The following EPHA6 variants were observed in gnomAD, a reference collection of about 807,000 sequenced individuals.
EPHA6 encodes ephrin type-A receptor 6.
EPHA6 carries 50 observed loss-of-function variants against 112.0 expected under a neutral mutation model. That is an observed-to-expected ratio of 0.45 (90% CI 0.36 to 0.56). The LOEUF (loss-of-function observed/expected upper bound fraction) is 0.56, where lower values mean the gene tolerates loss of function less well. EPHA6 is among the 20% of genes least tolerant of loss of function. The pLI, the probability that EPHA6 is intolerant of heterozygous loss-of-function variation, is 0.00. For missense variants in EPHA6, 1,280 were observed against 1,417.4 expected, an observed-to-expected ratio of 0.90 and a Z score of 1.56; for synonymous variants, 529 against 490.7, an observed-to-expected ratio of 1.08 and a Z score of -1.03.
chr3:97,641,594 G>A (rs996317169), intron 14 of EPHA6, among the ~76,000 whole-genome samples: 5 of 152,360 alleles, frequency 3.3e-5, no homozygotes, highest in Admixed American at 1.3e-4. Context: ...CGCACCATGC[G>A]CGAGCCGAAG....
intron 5 of EPHA6, among the ~76,000 whole-genome samples, chr3:97,397,191 A>C (rs996478166): frequency 6.6e-6 from 1 of 151,668 alleles, no homozygotes; most frequent in African/African-American, 2.4e-5. Context: ...TCAGCCTCTG[A>C]TCTTACAAAC....
chr3:97,433,781 G>A (rs1408230317), intron 6 of EPHA6, among the ~76,000 whole-genome samples: 1 of 152,108 alleles, frequency 6.6e-6, no homozygotes, highest in Non-Finnish European at 1.5e-5. Flanking sequence ...GAATCCAGAA[G>A]AAGAGCACCA....
In EPHA6 at chr3:97,142,916, C is replaced by T. The variant is rs535208617; in HGVS notation, c.1115-83348C>T. Among the ~76,000 whole-genome samples, 16 of 151,750 alleles carry T rather than the reference C, an allele frequency of 1.1e-4. No homozygotes were observed. In the East Asian group the frequency reaches 3.1e-3, roughly 29 times the overall value. The stretch of plus-strand genomic sequence containing the variant: ...AGCTGAAATAATTTCCTCTGAGAAC[C>T]GGAAGAAGACAAGGATGCCCACTGT... On this transcript the variant is annotated intron_variant, in intron 3 of 17. Transcript: ENST00000389672.
rs1489295264 is a variant in EPHA6 at position 97,720,302 on chromosome 3, C to T, written c.2826C>T (p.Ile942=). ...IPIRWTAPEA[I]AYRKFSSASD... is the part of the protein sequence containing the mutation. ...TAAGGTGGACAGCCCCAGAAGCCAT[C>T]GCCTACAGAAAATTCTCCTCAGCAA... Residue 942 remains isoleucine (I), a synonymous_variant, in exon 15 of 18, where the codon ATC becomes ATT. Coordinates refer to ENST00000389672, the MANE Select transcript of EPHA6 (RefSeq NM_001080448.3). 7.5e-6 allele frequency: 12 copies of T among 1,610,678 alleles called. No individual in the cohort carries two copies. Among genetic ancestry groups the T allele is most frequent in the East Asian group, 2.2e-5 (1 of 44,602 alleles).
intron 3 of EPHA6, among the ~76,000 whole-genome samples, chr3:97,214,756 G>C (rs866786696): frequency 6.6e-5 from 10 of 152,068 alleles, no homozygotes; most frequent in South Asian, 2.1e-4. Flanking sequence ...TATAGACTTG[G>C]ATTTGGTGAA....
At position 97,630,574 on chromosome 3, in the gene EPHA6, C is replaced by T. The variant is rs868843261; in HGVS notation, c.2575-7299C>T. 8.2e-4 allele frequency among the ~76,000 whole-genome samples: 125 copies of T among 152,118 alleles called. 1 individual carries two copies. Among genetic ancestry groups the T allele is most frequent in the African/African-American group, 2.8e-3 (118 of 41,540 alleles). On this transcript the variant is annotated intron_variant, in intron 13 of 17. Transcript: ENST00000389672. ...CTCCAAGGACTGTTTTCTGCAAAGT[C>T]ATTTATAAATCAATTGTTCAGAACT...
chr3:97,140,367 A>G (rs947865209), intron 3 of EPHA6, among the ~76,000 whole-genome samples: 4 of 152,160 alleles, frequency 2.6e-5, no homozygotes, highest in African/African-American at 9.6e-5. Context: ...TAAGATGAAC[A>G]TCACCAAGGC....
chr3:97,264,126 C>T (rs1253205467), intron 5 of EPHA6, among the ~76,000 whole-genome samples: 1 of 152,200 alleles, frequency 6.6e-6, no homozygotes, highest in East Asian at 1.9e-4. Context: ...TTTGGGGTGT[C>T]ACTTTCCTTG....
At chr3:97,060,046 G>A (rs1418855656) in intron 3 of EPHA6, among the ~76,000 whole-genome samples, 3 of 151,648 alleles carry the variant, frequency 2.0e-5, no homozygotes, top group Admixed American at 1.3e-4. Context: ...ACTGGAAGCC[G>A]GGAGGCAGAG....
chr3:97,159,239 C>A (rs1376112569), intron 3 of EPHA6, among the ~76,000 whole-genome samples: 1 of 152,018 alleles, frequency 6.6e-6, no homozygotes, highest in African/African-American at 2.4e-5. Flanking sequence ...GTTTCAGTTT[C>A]CTCTTGGTAG....
intron 1 of EPHA6, among the ~76,000 whole-genome samples, chr3:96,863,025 T>C (rs2036097243): frequency 1.3e-5 from 2 of 152,060 alleles, no homozygotes; most frequent in Non-Finnish European, 2.9e-5. Context: ...CTATGCATTA[T>C]GTTGCTTACA....
At chr3:97,299,434 G>T (rs2081005616) in intron 5 of EPHA6, among the ~76,000 whole-genome samples, 1 of 152,102 alleles carries the variant, frequency 6.6e-6, no homozygotes. Context: ...CCTAAAACTG[G>T]CCCAAAAGGA....
chr3:96,973,141 A>G (rs1357756577), intron 2 of EPHA6, among the ~76,000 whole-genome samples: 1 of 152,166 alleles, frequency 6.6e-6, no homozygotes, highest in African/African-American at 2.4e-5. Flanking sequence ...AGCTTGCTAT[A>G]GAAACAAAAA....
intron 2 of EPHA6, among the ~76,000 whole-genome samples, chr3:96,977,431 G>A (rs1490116208): frequency 1.3e-5 from 2 of 152,026 alleles, no homozygotes; most frequent in African/African-American, 4.8e-5. Context: ...ACATTATTCC[G>A]GTGATGAGTA....
chr3:97,640,154 A>G (rs2093987838), intron 14 of EPHA6, among the ~76,000 whole-genome samples: 4 of 152,222 alleles, frequency 2.6e-5, no homozygotes, highest in African/African-American at 9.6e-5. Context: ...GAAGTACCAA[A>G]AAGCAGAGGC....
At chr3:97,622,027 G>A (rs1012741471) in intron 13 of EPHA6, among the ~76,000 whole-genome samples, 2 of 151,604 alleles carry the variant, frequency 1.3e-5, no homozygotes, top group Non-Finnish European at 2.9e-5. Flanking sequence ...GAAAAATCAA[G>A]GATTTCTTTT....
At chr3:97,571,914 T>C (rs1332328668) in intron 11 of EPHA6, among the ~76,000 whole-genome samples, 5 of 152,236 alleles carry the variant, frequency 3.3e-5, no homozygotes, top group African/African-American at 7.2e-5. Flanking sequence ...ATCATTGCAA[T>C]GTATAGCACA....
chr3:97,652,889 C>G (rs919780027), intron 14 of EPHA6, among the ~76,000 whole-genome samples: 1 of 151,894 alleles, frequency 6.6e-6, no homozygotes, highest in Non-Finnish European at 1.5e-5. Context: ...TGACTTGTAT[C>G]TGAAGACATT....
intron 6 of EPHA6, among the ~76,000 whole-genome samples, chr3:97,428,353 A>T (rs1157909440): frequency 6.6e-6 from 1 of 152,166 alleles, no homozygotes; most frequent in Non-Finnish European, 1.5e-5. Flanking sequence ...ACACAGAAAT[A>T]CAAGTTAAGG....
Sources: allele counts gnomAD v4.1 joint callset (sites outside exome capture counted in the v4.1 genomes callset), GRCh38; gene constraint gnomAD v4.1.1; transcripts MANE v1.5; gene names NCBI Gene and HGNC (gene_info 2026-07-23, HGNC 2026-07-21).